CDH18: variants seen among roughly 807,000 people sequenced by gnomAD.
The protein encoded by CDH18 is cadherin-18.
CDH18 carries 31 observed loss-of-function variants against 67.9 expected under a neutral mutation model. That is an observed-to-expected ratio of 0.46 (90% CI 0.34 to 0.62). The LOEUF (loss-of-function observed/expected upper bound fraction) is 0.62. Among genes scored for constraint, CDH18 ranks in the 20% least tolerant of loss-of-function variants. CDH18 has a pLI of 0.01. For synonymous variants in CDH18, 362 were observed against 347.2 expected, an observed-to-expected ratio of 1.04 and a Z score of -0.48; for missense variants, 890 against 975.5, an observed-to-expected ratio of 0.91 and a Z score of 1.17.
intron 1 of CDH18, among the ~76,000 whole-genome samples, chr5:20,475,108 A>G (rs1485776674): frequency 6.6e-6 from 1 of 152,202 alleles, no homozygotes; most frequent in Non-Finnish European, 1.5e-5. Flanking sequence ...AATTCTAATT[A>G]TACTAAAATT....
chr5:19,881,930 G>A (rs1287475765), intron 2 of CDH18, among the ~76,000 whole-genome samples: 1 of 152,048 alleles, frequency 6.6e-6, no homozygotes, highest in African/African-American at 2.4e-5. Context: ...TAGTTCAACA[G>A]GGGAACAAAT....
At position 20,564,063 on chromosome 5, in the gene CDH18, T is replaced by G. The variant is rs188807589; in HGVS notation, c.-580+11399A>C. 2.6e-5 allele frequency among the ~76,000 whole-genome samples: 4 copies of G among 152,088 alleles called. No homozygotes were observed. In the East Asian group the frequency reaches 7.7e-4, roughly 29 times the overall value. On this transcript the variant is annotated intron_variant, in intron 1 of 14. Coordinates refer to the CDH18 transcript ENST00000507958. ...TGATTTAGAAACCATCAAAGACTTATTCACAACATCCATTTTCCTTAGCAT... is the reference window on the plus strand; with the variant it reads ...TGATTTAGAAACCATCAAAGACTTAGTCACAACATCCATTTTCCTTAGCAT...
At chr5:20,282,743 G>A (rs573844061) in intron 1 of CDH18, among the ~76,000 whole-genome samples, 4 of 152,052 alleles carry the variant, frequency 2.6e-5, no homozygotes, top group South Asian at 2.1e-4. Flanking sequence ...AATGAGTTAG[G>A]GAGGATTCCC....
intron 1 of CDH18, among the ~76,000 whole-genome samples, chr5:20,281,637 A>G (rs1746285038): frequency 6.6e-6 from 1 of 152,100 alleles, no homozygotes; most frequent in Non-Finnish European, 1.5e-5. Context: ...GAAGTCAGGT[A>G]GTGTGATGCC....
chr5:20,468,204 T>C (rs1581056375), intron 1 of CDH18, among the ~76,000 whole-genome samples: 1 of 152,090 alleles, frequency 6.6e-6, no homozygotes, highest in African/African-American at 2.4e-5. Context: ...TTAATAGAGA[T>C]GGGGTTTCAT....
At chr5:19,887,157 GTT>G (rs75076094) in intron 2 of CDH18, among the ~76,000 whole-genome samples, 2 of 136,744 alleles carry the variant, frequency 1.5e-5, no homozygotes. Context: ...TTTGTTTTTT[GTT>G]TTTTTTTTTT....
At chr5:20,377,917 A>G (rs1743592365) in intron 1 of CDH18, among the ~76,000 whole-genome samples, 1 of 111,916 alleles carries the variant, frequency 8.9e-6, no homozygotes, top group South Asian at 3.2e-4. Flanking sequence ...TAACTTCTCA[A>G]TTATGAATTT....
intron 2 of CDH18, among the ~76,000 whole-genome samples, chr5:20,254,615 G>A (rs1744093699): frequency 6.6e-6 from 1 of 152,134 alleles, no homozygotes. Context: ...CCACACTCGC[G>A]ACAGATCCTG....
At chr5:19,920,764 G>A (rs550268559) in intron 2 of CDH18, among the ~76,000 whole-genome samples, 6 of 151,716 alleles carry the variant, frequency 4.0e-5, no homozygotes, top group Non-Finnish European at 8.8e-5. Flanking sequence ...CACCCGCCTC[G>A]GTCTCCCAAA....
chr5:20,368,520 A>G (rs1033658584), intron 1 of CDH18, among the ~76,000 whole-genome samples: 4 of 152,224 alleles, frequency 2.6e-5, no homozygotes, highest in Non-Finnish European at 5.9e-5. Flanking sequence ...CACCATTGAC[A>G]GAGAAATGTT....
At chr5:20,060,299 T>A (rs955539834) in intron 2 of CDH18, among the ~76,000 whole-genome samples, 1 of 151,922 alleles carries the variant, frequency 6.6e-6, no homozygotes, top group Non-Finnish European at 1.5e-5. Context: ...ACCCCGTCTC[T>A]ACTAAAAATG....
chr5:19,702,637 G>A (rs568159048), intron 5 of CDH18, among the ~76,000 whole-genome samples: 15 of 152,066 alleles, frequency 9.9e-5, no homozygotes, highest in South Asian at 4.2e-4. Context: ...CTGTAGTGGC[G>A]TGCACCTGTA....
Position 19,714,790 on chromosome 5 carries a change from T to C in CDH18, c.643+6557A>G, listed in dbSNP as rs1163818613. Reference sequence around the variant, plus strand: ...TAACATTGACGGAAACAATATATATTGTCATTATACTTTATTTTGCTTAAA... The same window carrying C: ...TAACATTGACGGAAACAATATATATCGTCATTATACTTTATTTTGCTTAAA... On this transcript the variant is annotated intron_variant, in intron 5 of 12. Transcript: ENST00000382275. Among the ~76,000 whole-genome samples, 4 of 152,166 alleles carry C rather than the reference T, an allele frequency of 2.6e-5. No individual in the cohort carries two copies. In the East Asian group the frequency reaches 5.8e-4, roughly 22 times the overall value.
chr5:19,593,848 A>G (rs1745738323), intron 6 of CDH18, among the ~76,000 whole-genome samples: 1 of 151,610 alleles, frequency 6.6e-6, no homozygotes, highest in African/African-American at 2.4e-5. Flanking sequence ...TCCACTTCAC[A>G]GGCTGCTTTT....
At chr5:19,491,808 AAC>A (rs1446192038) in intron 11 of CDH18, among the ~76,000 whole-genome samples, 1 of 152,120 alleles carries the variant, frequency 6.6e-6, no homozygotes, top group African/African-American at 2.4e-5. Context: ...TGCAAAAAAA[AAC>A]AAGTAATAAA....
At chr5:19,744,913 T>C (rs1769777626) in intron 4 of CDH18, among the ~76,000 whole-genome samples, 1 of 152,212 alleles carries the variant, frequency 6.6e-6, no homozygotes, top group Non-Finnish European at 1.5e-5. Flanking sequence ...TGTTTGATTC[T>C]TATTCTATTT....
chr5:20,212,808 C>T lies in CDH18; in HGVS notation c.-518+42636G>A, dbSNP rs534530609. Among the ~76,000 whole-genome samples, 5 of 152,136 alleles carry T rather than the reference C, an allele frequency of 3.3e-5. No individual in the cohort carries two copies. The East Asian group carries it at 7.8e-4, about 24-fold the overall frequency. On this transcript the variant is annotated intron_variant, in intron 2 of 14. Coordinates refer to the CDH18 transcript ENST00000507958. Reference sequence around the variant, plus strand: ...TTCTTTTTGCTGGTAGAGGGTCTTGCCTCAGTGATGAGGACCTTGCTCTGT... The same window carrying T: ...TTCTTTTTGCTGGTAGAGGGTCTTGTCTCAGTGATGAGGACCTTGCTCTGT...
chr5:19,689,929 C>T (rs953738196), intron 5 of CDH18, among the ~76,000 whole-genome samples: 1 of 151,466 alleles, frequency 6.6e-6, no homozygotes, highest in Non-Finnish European at 1.5e-5. Flanking sequence ...AAAGATTTTC[C>T]ATACAAATGG....
At chr5:20,060,846 G>T (rs996529503) in intron 2 of CDH18, among the ~76,000 whole-genome samples, 1 of 151,726 alleles carries the variant, frequency 6.6e-6, no homozygotes, top group African/African-American at 2.4e-5. Context: ...ATAATAAATG[G>T]CTCTGAAAGA....
Sources: gnomAD v4.1 joint callset for allele counts (sites outside exome capture counted in the v4.1 genomes callset) on GRCh38, gnomAD v4.1.1 for gene constraint, MANE v1.5 for transcripts, NCBI Gene and HGNC (gene_info 2026-07-23, HGNC 2026-07-21) for gene names.